Variants in ADGRB3 observed in about 807,000 individuals in gnomAD.
ADGRB3 encodes the protein adhesion G protein-coupled receptor B3.
In ADGRB3, 37 loss-of-function variants were observed where a neutral mutation model predicts 193.4. The ratio of observed to expected loss-of-function variants is 0.19; its 90% CI spans 0.15 to 0.25. ADGRB3 has a LOEUF of 0.25. Among genes scored for constraint, ADGRB3 ranks in the 10% least tolerant of loss-of-function variants. The pLI is 1.00. For synonymous variants in ADGRB3, 690 were observed against 644.2 expected (o/e 1.07, Z -1.08); for missense variants, 1,637 against 1,852.9 (o/e 0.88, Z 2.14).
chr6:68,958,809 A>G (rs1180942338), intron 8 of ADGRB3, among the ~76,000 whole-genome samples: 1 of 152,148 alleles, frequency 6.6e-6, no homozygotes, highest in Non-Finnish European at 1.5e-5. Flanking sequence ...ATAATTAAAA[A>G]GAATTCTTGA....
intron 17 of ADGRB3, among the ~76,000 whole-genome samples, chr6:69,142,530 T>C (rs1774367861): frequency 6.6e-6 from 1 of 152,234 alleles, no homozygotes; most frequent in Admixed American, 6.5e-5. Flanking sequence ...TCCCACACCC[T>C]GACCAGCTGT....
chr6:68,704,143 A>T (rs1259700260), intron 3 of ADGRB3, among the ~76,000 whole-genome samples: 1 of 152,200 alleles, frequency 6.6e-6, no homozygotes, highest in African/African-American at 2.4e-5. Context: ...CACTGTGTAC[A>T]TTTAATTTGA....
chr6:69,205,854 T>G (rs1765525901), intron 17 of ADGRB3, among the ~76,000 whole-genome samples: 2 of 151,400 alleles, frequency 1.3e-5, no homozygotes, highest in Non-Finnish European at 2.9e-5. Flanking sequence ...GGTGTCATCA[T>G]AGCTCATTGC....
intron 3 of ADGRB3, among the ~76,000 whole-genome samples, chr6:68,859,417 C>T (rs1765085709): frequency 6.6e-6 from 1 of 152,184 alleles, no homozygotes; most frequent in Non-Finnish European, 1.5e-5. Flanking sequence ...TTCAGCAACA[C>T]CCCACTCCTG....
At chr6:68,818,984 G>A (rs774827517) in intron 3 of ADGRB3, among the ~76,000 whole-genome samples, 3 of 152,066 alleles carry the variant, frequency 2.0e-5, no homozygotes, top group Non-Finnish European at 4.4e-5. Context: ...CATGGCAGAT[G>A]CTTCTTTAAC....
intron 3 of ADGRB3, among the ~76,000 whole-genome samples, chr6:68,705,741 A>G (rs573387876): frequency 9.8e-4 from 150 of 152,368 alleles, no homozygotes; most frequent in African/African-American, 3.5e-3. Context: ...TGACAAGCAC[A>G]GATTTTATTT....
In ADGRB3 at chr6:69,020,634, G is replaced by A. The variant is rs137901650; in HGVS notation, c.2107+2135G>A. Among the ~76,000 whole-genome samples the A allele has an allele frequency of 3.4e-3, 522 of 152,070 alleles. 1 individual carries two copies. Among genetic ancestry groups the A allele is most frequent in the African/African-American group, 0.012 (487 of 41,532 alleles). ...TGTCCATCTTGCCTGAGGATAGTGT[G>A]ATTGTTCTGCCTTCTGATTGTTTAT... On this transcript the variant is annotated intron_variant, in intron 13 of 31. Coordinates refer to ENST00000370598, the MANE Select transcript of ADGRB3 (RefSeq NM_001704.3).
At chr6:68,794,942 T>G (rs541704781) in intron 3 of ADGRB3, among the ~76,000 whole-genome samples, 1 of 152,220 alleles carries the variant, frequency 6.6e-6, no homozygotes, top group South Asian at 2.1e-4. Flanking sequence ...AGAGTATTTT[T>G]GATGAATTTA....
chr6:68,703,480 C>G (rs758059119), intron 3 of ADGRB3, among the ~76,000 whole-genome samples: 36 of 151,838 alleles, frequency 2.4e-4, no homozygotes, highest in Non-Finnish European at 5.0e-4. Context: ...TAATTCTACT[C>G]CAGAAGAATT....
intron 11 of ADGRB3, among the ~76,000 whole-genome samples, chr6:69,008,794 A>G (rs1213529367): frequency 6.6e-6 from 1 of 152,174 alleles, no homozygotes; most frequent in Non-Finnish European, 1.5e-5. Context: ...TCTCAAAAGT[A>G]TGTATTTGTG....
At chr6:69,087,791 C>A (rs1414347160) in intron 17 of ADGRB3, among the ~76,000 whole-genome samples, 2 of 152,152 alleles carry the variant, frequency 1.3e-5, no homozygotes. Flanking sequence ...AAATACAATA[C>A]CTTTGTTTAG....
chr6:69,346,257 C>A (rs1041882858), intron 26 of ADGRB3, among the ~76,000 whole-genome samples: 1 of 152,014 alleles, frequency 6.6e-6, no homozygotes, highest in African/African-American at 2.4e-5. Flanking sequence ...CACATGGAAC[C>A]AAAAAAGAGC....
At chr6:68,981,056 T>C (rs913952887) in intron 10 of ADGRB3, among the ~76,000 whole-genome samples, 3 of 151,614 alleles carry the variant, frequency 2.0e-5, no homozygotes, top group Non-Finnish European at 3.0e-5. Context: ...GGTCCTCTCA[T>C]GAAATCATGT....
chr6:68,880,969 T>C, intron 3 of ADGRB3, among the ~76,000 whole-genome samples: 1 of 152,236 alleles, frequency 6.6e-6, no homozygotes, highest in Middle Eastern at 3.4e-3. Context: ...CATTAAAAAG[T>C]CGGTGAGAAA....
chr6:69,323,807 A>G (rs1768512230), intron 20 of ADGRB3, among the ~76,000 whole-genome samples: 1 of 152,104 alleles, frequency 6.6e-6, no homozygotes, highest in Non-Finnish European at 1.5e-5. Flanking sequence ...AACAAATCCT[A>G]TGAATAATTT....
At chr6:69,194,507 G>A (rs1020976643) in intron 17 of ADGRB3, among the ~76,000 whole-genome samples, 2 of 152,112 alleles carry the variant, frequency 1.3e-5, no homozygotes, top group African/African-American at 4.8e-5. Context: ...TTAGTAGTGA[G>A]TTCCTTTCTG....
At chr6:68,703,325 C>A (rs911371210) in intron 3 of ADGRB3, among the ~76,000 whole-genome samples, 2 of 152,044 alleles carry the variant, frequency 1.3e-5, no homozygotes, top group African/African-American at 4.8e-5. Flanking sequence ...AGCTTAAATA[C>A]AACATAAACA....
chr6:69,123,849 G>C (rs893890965), intron 17 of ADGRB3, among the ~76,000 whole-genome samples: 1 of 152,258 alleles, frequency 6.6e-6, no homozygotes, highest in Admixed American at 6.5e-5. Flanking sequence ...GATGAGGACA[G>C]TAAGATGAAA....
At chr6:68,701,384 A>G (rs867216866) in intron 3 of ADGRB3, among the ~76,000 whole-genome samples, 6 of 152,200 alleles carry the variant, frequency 3.9e-5, no homozygotes, top group South Asian at 2.1e-4. Flanking sequence ...GTAGACATCA[A>G]TCATTAGTCA....
Sources: allele counts gnomAD v4.1 joint callset (sites outside exome capture counted in the v4.1 genomes callset), GRCh38; gene constraint gnomAD v4.1.1; transcripts MANE v1.5; gene names NCBI Gene and HGNC (gene_info 2026-07-23, HGNC 2026-07-21).